Variants in TENM2 observed in about 807,000 individuals in gnomAD.
TENM2 encodes teneurin transmembrane protein 2, also known as teneurin-2.
Under a neutral mutation model 245.2 loss-of-function variants are expected in TENM2, and 52 were observed. That is an observed-to-expected ratio of 0.21 (90% CI 0.17 to 0.27). The LOEUF (loss-of-function observed/expected upper bound fraction) is 0.27, where lower values mean the gene tolerates loss of function less well. TENM2 is among the 10% of genes least tolerant of loss of function. TENM2 has a pLI of 1.00. For synonymous variants in TENM2, 1,363 were observed against 1,438.9 expected (o/e 0.95, Z 1.19); for missense variants, 3,046 against 3,666.8 (o/e 0.83, Z 4.37).
At chr5:167,878,573 C>CTGTGTGTGTG (rs10573629) in intron 3 of TENM2, among the ~76,000 whole-genome samples, 1 of 150,022 alleles carries the variant, frequency 6.7e-6, no homozygotes, top group African/African-American at 2.5e-5. Context: ...GTGCTCACGT[C>CTGTGTGTGTG]TGTGTGTGTG....
chr5:167,830,571 G>A (rs1427160852), intron 2 of TENM2, among the ~76,000 whole-genome samples: 1 of 152,198 alleles, frequency 6.6e-6, no homozygotes, highest in Non-Finnish European at 1.5e-5. Context: ...CAGTCTAGTA[G>A]GAGAGCAGGA....
chr5:167,110,769 T>C, the TENM2 span, among the ~76,000 whole-genome samples: 1 of 152,204 alleles, frequency 6.6e-6, no homozygotes, highest in Admixed American at 6.5e-5. Context: ...AGTGTTTTAT[T>C]TCCTTATAAT....
chr5:167,753,784 G>C (rs1038182966), intron 2 of TENM2, among the ~76,000 whole-genome samples: 4 of 152,140 alleles, frequency 2.6e-5, no homozygotes, highest in Non-Finnish European at 5.9e-5. Context: ...TCTGCCCCGG[G>C]TTTCCAGAAT....
At chr5:168,253,550 G>A (rs59122124) in intron 27 of TENM2, among the ~76,000 whole-genome samples, 9,392 of 151,194 alleles carry the variant, frequency 0.062, 471 homozygotes, top group African/African-American at 0.14. Flanking sequence ...CTCAGCCCGC[G>A]GAGTAGCTGG....
At chr5:167,800,989 TA>T (rs397999858) in intron 2 of TENM2, among the ~76,000 whole-genome samples, 1 of 149,970 alleles carries the variant, frequency 6.7e-6, no homozygotes, top group South Asian at 2.1e-4. Context: ...ACCACTGCCT[TA>T]AAAAAAAGAA....
intron 1 of TENM2, among the ~76,000 whole-genome samples, chr5:167,349,673 T>A (rs1199965320): frequency 6.6e-6 from 1 of 152,192 alleles, no homozygotes; most frequent in Non-Finnish European, 1.5e-5. Flanking sequence ...ATATGCAGTA[T>A]ATGTGTGTGT....
the TENM2 span, among the ~76,000 whole-genome samples, chr5:167,144,207 T>C: frequency 6.6e-6 from 1 of 152,088 alleles, no homozygotes; most frequent in African/African-American, 2.4e-5. Flanking sequence ...GTGGGAGCGG[T>C]TCGCATTTGT....
At chr5:167,519,564 C>T (rs2127580179) in intron 2 of TENM2, among the ~76,000 whole-genome samples, 1 of 152,170 alleles carries the variant, frequency 6.6e-6, no homozygotes, top group South Asian at 2.1e-4. Flanking sequence ...AATAAGTCAA[C>T]AGCTGAAATG....
chr5:167,199,743 A>G, the TENM2 span, among the ~76,000 whole-genome samples: 8 of 152,082 alleles, frequency 5.3e-5, no homozygotes, highest in Admixed American at 6.6e-5. Flanking sequence ...ATGTTCCCCA[A>G]CAAGCTTTCA....
chr5:167,872,288 GAGAAAGAT>G (rs1344399658), intron 2 of TENM2, among the ~76,000 whole-genome samples: 18 of 69,312 alleles, frequency 2.6e-4, no homozygotes, highest in South Asian at 2.4e-3. Context: ...AAAAAAGAAA[GAGAAAGAT>G]AGAAAGAAAG....
At chr5:168,010,070 C>T (rs963680207) in intron 5 of TENM2, among the ~76,000 whole-genome samples, 1 of 152,224 alleles carries the variant, frequency 6.6e-6, no homozygotes, top group African/African-American at 2.4e-5. Flanking sequence ...AGATAAGTTA[C>T]TGGAGAGGAA....
intron 5 of TENM2, among the ~76,000 whole-genome samples, chr5:168,038,550 G>A (rs1209435237): frequency 6.6e-6 from 1 of 152,212 alleles, no homozygotes; most frequent in African/African-American, 2.4e-5. Flanking sequence ...AATGAGGTGA[G>A]CATATAGAGG....
At chr5:167,498,994 A>G (rs556404179) in intron 2 of TENM2, among the ~76,000 whole-genome samples, 9 of 152,266 alleles carry the variant, frequency 5.9e-5, no homozygotes, top group African/African-American at 2.2e-4. Flanking sequence ...AAATTGTAAC[A>G]TATACCAAAA....
chr5:167,042,109 A>T, the TENM2 span, among the ~76,000 whole-genome samples: 2 of 152,228 alleles, frequency 1.3e-5, no homozygotes, highest in Non-Finnish European at 2.9e-5. Context: ...ATCAAAGGGA[A>T]TAAAAGATCA....
the TENM2 span, among the ~76,000 whole-genome samples, chr5:167,261,143 G>A: frequency 1.7e-3 from 263 of 152,244 alleles, 2 homozygotes; most frequent in African/African-American, 5.9e-3. Flanking sequence ...AAGAAGCTCT[G>A]GGAGTGGAGG....
intron 3 of TENM2, among the ~76,000 whole-genome samples, chr5:167,951,753 C>G (rs1017097091): frequency 2.0e-5 from 3 of 152,128 alleles, no homozygotes; most frequent in African/African-American, 7.2e-5. Context: ...TGAGTGGGCT[C>G]ACAGGTGTGT....
chr5:168,224,376 C>T (rs79480372), intron 23 of TENM2, among the ~76,000 whole-genome samples: 4,064 of 152,282 alleles, frequency 0.027, 69 homozygotes, highest in Middle Eastern at 0.085. Flanking sequence ...TTAGGCAGCG[C>T]GGTGTACAGC....
At chr5:168,175,651 A>G (rs554345735) in intron 13 of TENM2, among the ~76,000 whole-genome samples, 1 of 152,286 alleles carries the variant, frequency 6.6e-6, no homozygotes, top group Non-Finnish European at 1.5e-5. Context: ...TGTCTTGTTC[A>G]TTCTTCTCTC....
the TENM2 span, among the ~76,000 whole-genome samples, chr5:167,099,853 A>C: frequency 6.6e-6 from 1 of 152,166 alleles, no homozygotes; most frequent in African/African-American, 2.4e-5. Context: ...TTTCTTCAGA[A>C]AGGTTGCTCC....
Sources: allele counts gnomAD v4.1 joint callset (sites outside exome capture counted in the v4.1 genomes callset), GRCh38; gene constraint gnomAD v4.1.1; transcripts MANE v1.5; gene names NCBI Gene and HGNC (gene_info 2026-07-23, HGNC 2026-07-21).